Variants in PTPN13 observed in about 807,000 individuals in gnomAD.
PTPN13 encodes protein tyrosine phosphatase non-receptor type 13.
Under a neutral mutation model 284.0 loss-of-function variants are expected in PTPN13, and 191 were observed. That is an observed-to-expected ratio of 0.67 (90% CI 0.60 to 0.76). The LOEUF (loss-of-function observed/expected upper bound fraction) is 0.76. Ranked by LOEUF, PTPN13 falls within the 30% of genes least tolerant of loss-of-function variation. The probability of loss-of-function intolerance (pLI) is 0.00; values close to 1 mark genes in which losing one functional copy is unlikely to be tolerated. For missense variants in PTPN13, 2,797 were observed against 2,939.9 expected (o/e 0.95, Z 1.12); for synonymous variants, 986 against 1,022.3 (o/e 0.96, Z 0.68).
intron 47 of PTPN13, among the ~76,000 whole-genome samples, chr4:86,813,058 A>T (rs1745419549): frequency 6.6e-6 from 1 of 152,156 alleles, no homozygotes; most frequent in Admixed American, 6.5e-5. Context: ...AATGTGTGGA[A>T]AAGTTAAAAT....
chr4:86,715,916 C>T (rs1732959750), intron 7 of PTPN13, among the ~76,000 whole-genome samples: 1 of 152,176 alleles, frequency 6.6e-6, no homozygotes. Flanking sequence ...TCCACACTTG[C>T]CCCTGGGCTC....
At chr4:86,655,000 C>T (rs1382529508) in intron 2 of PTPN13, among the ~76,000 whole-genome samples, 1 of 152,124 alleles carries the variant, frequency 6.6e-6, no homozygotes, top group African/African-American at 2.4e-5. Context: ...ATGTAATGGC[C>T]TTCTTTGTCT....
chr4:86,807,714 A>G lies in PTPN13; in HGVS notation c.6900A>G (p.Gln2300=), dbSNP rs775151084. The G allele has an allele frequency of 5.0e-6, 8 of 1,613,920 alleles. No homozygotes were observed. Among genetic ancestry groups the G allele is most frequent in the Non-Finnish European group, 6.8e-6 (8 of 1,179,904 alleles). ...ACTTCTGGCAGATGATTTGGGAGCA[A>G]AAATCCACAGTGATAGCCATGATGA... is the stretch of plus-strand genomic sequence containing the variant. The part of the protein sequence containing the change: ...VGDFWQMIWE[Q]KSTVIAMMTQ... The change falls in exon 45 of 48, where the codon CAA becomes CAG. Residue 2300 remains glutamine (Q), a synonymous_variant. Transcript: ENST00000411767.
Position 86,771,210 on chromosome 4 carries a change from A to C in PTPN13, c.4843A>C (p.Ser1615Arg), listed in dbSNP as rs569272222. 682 of 1,612,134 alleles carry C rather than the reference A, an allele frequency of 4.2e-4. 9 individuals are homozygous for C. The South Asian group carries it at 7.0e-3, about 16-fold the overall frequency. Residue 1615 changes from serine (S) to arginine (R), a missense_variant, in exon 31 of 48, where the codon AGT (serine) becomes CGT (arginine). Physicochemically the swap from Ser to Arg is moderately radical, Grantham distance 110. Coordinates refer to ENST00000411767, the MANE Select transcript of PTPN13 (RefSeq NM_080683.3). ...QSPAQVLPNS[S>R]KDSSQPSCVE... is the part of the protein sequence containing the mutation. The stretch of plus-strand genomic sequence containing the variant: ...TCCAGCACAAGTACTTCCAAACAGC[A>C]GTAAAGACTCTTCTCAGCCATCATG...
At chr4:86,655,682 C>G (rs1376651526) in intron 2 of PTPN13, among the ~76,000 whole-genome samples, 8 of 152,110 alleles carry the variant, frequency 5.3e-5, no homozygotes, top group Admixed American at 5.2e-4. Flanking sequence ...ACATTTTTTC[C>G]TTCATTTCAA....
chr4:86,596,352 G>A (rs1373616619), intron 1 of PTPN13, among the ~76,000 whole-genome samples: 1 of 152,160 alleles, frequency 6.6e-6, no homozygotes, highest in Non-Finnish European at 1.5e-5. Flanking sequence ...TTATATTTTG[G>A]AGGGTGATTA....
intron 40 of PTPN13, among the ~76,000 whole-genome samples, chr4:86,787,381 T>C (rs1742054358): frequency 6.6e-6 from 1 of 151,604 alleles, no homozygotes; most frequent in African/African-American, 2.4e-5. Context: ...TCACCTGAGG[T>C]TGGGAGTTCA....
chr4:86,732,532 A>G, intron 11 of PTPN13, 58 bp downstream of exon 11: 1 of 1,594,860 alleles, frequency 6.3e-7, no homozygotes, highest in South Asian at 1.1e-5. Context: ...AGTGTTAAAA[A>G]CCAGTTAAAA....
Position 86,784,533 on chromosome 4 carries a change from A to G in PTPN13, c.6093A>G (p.Gly2031=). 6.2e-7 allele frequency: 1 copy of G among 1,608,178 alleles called. No homozygotes were observed. The highest frequency in any genetic ancestry group is 8.5e-7 in the Non-Finnish European group (1 of 1,177,764). Residue 2031 remains glycine (G), a synonymous_variant, in exon 38 of 48, where the codon GGA becomes GGG. Coordinates refer to ENST00000411767, the MANE Select transcript of PTPN13 (RefSeq NM_080683.3). ...AATGTTCTACTTATCAGATAAAGGG[A>G]TCACCAAACTTGACTCTGCCCAAAG... The part of the protein sequence containing the change: ...KGKCSTYQIK[G]SPNLTLPKES...
rs539070025 is a variant in PTPN13 at position 86,656,816 on chromosome 4, C to G, written c.116-15549C>G. Among the ~76,000 whole-genome samples, 4 of 152,322 alleles carry G rather than the reference C, an allele frequency of 2.6e-5. No individual in the cohort carries two copies. In the South Asian group the frequency reaches 6.2e-4, roughly 24 times the overall value. On this transcript the variant is annotated intron_variant, in intron 2 of 47. Coordinates refer to ENST00000411767, the MANE Select transcript of PTPN13 (RefSeq NM_080683.3). Reference sequence around the variant, plus strand: ...GCCTTTTGTTTGGCTATGCCCTGCCCCCAGAGGTGGAGTCTACAGAGGCAG... The same window carrying G: ...GCCTTTTGTTTGGCTATGCCCTGCCGCCAGAGGTGGAGTCTACAGAGGCAG...
intron 9 of PTPN13, among the ~76,000 whole-genome samples, chr4:86,719,552 T>C (rs2149080877): frequency 6.6e-6 from 1 of 152,350 alleles, no homozygotes. Context: ...GGAATCTCCA[T>C]ATCGTTTTCC....
At chr4:86,763,851 C>A (rs149506531) in intron 24 of PTPN13, among the ~76,000 whole-genome samples, 1 of 151,796 alleles carries the variant, frequency 6.6e-6, no homozygotes, top group Non-Finnish European at 1.5e-5. Context: ...CCCAGGCGAT[C>A]GAGCCAGACC....
chr4:86,774,166 T>A lies in PTPN13; in HGVS notation c.5350-207T>A, dbSNP rs1268639207. ...ACATAATGTTGTGCTTAAACATAAC[T>A]TTTACGTGGGATGCAGTGGGGGGAC... On this transcript the variant is annotated intron_variant, in intron 32 of 47. Transcript: ENST00000411767. Among the ~76,000 whole-genome samples the A allele has an allele frequency of 2.0e-5, 3 of 152,132 alleles. No individual in the cohort carries two copies. The East Asian group carries it at 5.8e-4, about 29-fold the overall frequency.
chr4:86,693,546 G>A (rs1251141413), intron 5 of PTPN13, 41 bp from the exon 6 acceptor site: 11 of 1,312,702 alleles, frequency 8.4e-6, no homozygotes, highest in Non-Finnish European at 1.0e-5. Flanking sequence ...ACAAAAGGGA[G>A]ATCCTTTTGT....
chr4:86,760,305 G>A (rs1379549772), intron 23 of PTPN13, among the ~76,000 whole-genome samples: 1 of 152,148 alleles, frequency 6.6e-6, no homozygotes, highest in Non-Finnish European at 1.5e-5. Flanking sequence ...TGGAAATGTT[G>A]TAACATACTT....
At chr4:86,706,116 G>A (rs530115750) in intron 7 of PTPN13, among the ~76,000 whole-genome samples, 11 of 152,300 alleles carry the variant, frequency 7.2e-5, no homozygotes, top group African/African-American at 2.4e-4. Context: ...GAATTTGGAA[G>A]TGGAAGGAAT....
At chr4:86,665,984 T>C (rs1035319307) in intron 2 of PTPN13, among the ~76,000 whole-genome samples, 4 of 152,224 alleles carry the variant, frequency 2.6e-5, no homozygotes, top group African/African-American at 9.6e-5. Flanking sequence ...GGAACCGTTC[T>C]AAGTCTTTAG....
intron 40 of PTPN13, among the ~76,000 whole-genome samples, chr4:86,793,586 T>C (rs1229205022): frequency 1.3e-5 from 2 of 152,178 alleles, no homozygotes; most frequent in African/African-American, 2.4e-5. Flanking sequence ...TATTCTAAAA[T>C]TGACCACATA....
intron 9 of PTPN13, among the ~76,000 whole-genome samples, 192 bp from the exon 10 acceptor site, chr4:86,722,020 T>G (rs1177243612): frequency 6.6e-6 from 1 of 152,100 alleles, no homozygotes; most frequent in Non-Finnish European, 1.5e-5. Context: ...GTGCTGGGAT[T>G]GCAGGCATGA....
Sources: gnomAD v4.1 joint callset for allele counts (sites outside exome capture counted in the v4.1 genomes callset) on GRCh38, gnomAD v4.1.1 for gene constraint, MANE v1.5 for transcripts, NCBI Gene and HGNC (gene_info 2026-07-23, HGNC 2026-07-21) for gene names.